The following MYO16 variants were observed in gnomAD, a reference collection of about 807,000 sequenced individuals.
MYO16 encodes unconventional myosin-XVI.
Under a neutral mutation model 205.3 loss-of-function variants are expected in MYO16, and 94 were observed. The ratio of observed to expected loss-of-function variants is 0.46; its 90% CI spans 0.39 to 0.54. The LOEUF (loss-of-function observed/expected upper bound fraction) is 0.54, where lower values mean the gene tolerates loss of function less well. Among genes scored for constraint, MYO16 ranks in the 20% least tolerant of loss-of-function variants. The probability of loss-of-function intolerance (pLI) is 0.00; values close to 1 mark genes in which losing one functional copy is unlikely to be tolerated. For synonymous variants in MYO16, 988 were observed against 954.0 expected (o/e 1.04, Z -0.66); for missense variants, 2,315 against 2,387.5 (o/e 0.97, Z 0.63).
the MYO16 span, among the ~76,000 whole-genome samples, chr13:108,581,320 G>A: frequency 3.3e-5 from 5 of 152,132 alleles, no homozygotes; most frequent in African/African-American, 1.2e-4. Context: ...GGTGGAAATC[G>A]TTTTTGACTG....
chr13:108,928,397 A>C (rs942704373), intron 16 of MYO16, among the ~76,000 whole-genome samples: 61 of 152,218 alleles, frequency 4.0e-4, no homozygotes, highest in African/African-American at 1.4e-3. Flanking sequence ...TGTTATATAG[A>C]ATATTATATG....
intron 33 of MYO16, among the ~76,000 whole-genome samples, chr13:109,167,842 A>G (rs1410859535): frequency 6.6e-6 from 1 of 152,212 alleles, no homozygotes; most frequent in Non-Finnish European, 1.5e-5. Flanking sequence ...CTGCCCCCCA[A>G]AAATTCCTGT....
intron 1 of MYO16, among the ~76,000 whole-genome samples, chr13:108,653,480 CAT>C (rs1424539222): frequency 6.6e-6 from 1 of 152,006 alleles, no homozygotes; most frequent in East Asian, 1.9e-4. Flanking sequence ...TCATAAATGT[CAT>C]AAAGATTTTT....
chr13:109,124,959 G>A (rs979375685), intron 29 of MYO16, among the ~76,000 whole-genome samples, 153 bp from the exon 30 acceptor site: 1 of 152,200 alleles, frequency 6.6e-6, no homozygotes, highest in African/African-American at 2.4e-5. Context: ...TGCCTTTAGT[G>A]TTATCACTGC....
chr13:109,035,071 C>T lies in MYO16; in HGVS notation c.2797-11845C>T, dbSNP rs547437386. Among the ~76,000 whole-genome samples, 12 of 152,242 alleles carry T rather than the reference C, an allele frequency of 7.9e-5. 1 individual carries two copies. The East Asian group carries it at 2.3e-3, about 29-fold the overall frequency. ...CTTCTTAACCCTTGGTCTATTGTTC[C>T]TTCTACTTTACCACGCTCTCATTTT... On this transcript the variant is annotated intron_variant, in intron 23 of 34. Transcript: ENST00000457511.
At chr13:108,886,222 T>C (rs970118139) in intron 13 of MYO16, among the ~76,000 whole-genome samples, 1 of 152,048 alleles carries the variant, frequency 6.6e-6, no homozygotes, top group African/African-American at 2.4e-5. Flanking sequence ...CTCCTGACCT[T>C]GTGATCCGCC....
At chr13:108,626,744 G>A (rs980923172), upstream of MYO16, among the ~76,000 whole-genome samples, 2 of 151,712 alleles carry the variant, frequency 1.3e-5, no homozygotes, top group African/African-American at 2.4e-5. Flanking sequence ...GCAGAGGGTT[G>A]CAGTGAGCCA....
At chr13:109,099,614 TA>T (rs1402773125) in intron 27 of MYO16, among the ~76,000 whole-genome samples, 1 of 152,156 alleles carries the variant, frequency 6.6e-6, no homozygotes, top group Non-Finnish European at 1.5e-5. Context: ...GACCTTGAGA[TA>T]CATTCTATCC....
intron 1 of MYO16, among the ~76,000 whole-genome samples, chr13:108,609,710 T>G (rs1303478300): frequency 6.6e-6 from 1 of 152,174 alleles, no homozygotes; most frequent in African/African-American, 2.4e-5. Context: ...TACAGAGATT[T>G]ATTTATTTAT....
At chr13:108,644,490 G>A (rs1258796829) in intron 1 of MYO16, among the ~76,000 whole-genome samples, 5 of 151,864 alleles carry the variant, frequency 3.3e-5, no homozygotes, top group Non-Finnish European at 5.9e-5. Context: ...TAACACAATG[G>A]GAAAGATTTG....
intron 2 of MYO16, among the ~76,000 whole-genome samples, chr13:108,710,715 T>A (rs1307853793): frequency 6.6e-6 from 1 of 152,186 alleles, no homozygotes; most frequent in Admixed American, 6.5e-5. Context: ...AGAATATGGA[T>A]CACTGATTTC....
chr13:109,097,510 C>T (rs1888815851), intron 27 of MYO16, among the ~76,000 whole-genome samples: 1 of 152,108 alleles, frequency 6.6e-6, no homozygotes. Context: ...TCTGCAGAAA[C>T]CCCAATAAAA....
At chr13:109,161,536 T>C (rs1878384635) in intron 32 of MYO16, among the ~76,000 whole-genome samples, 1 of 152,036 alleles carries the variant, frequency 6.6e-6, no homozygotes, top group Non-Finnish European at 1.5e-5. Flanking sequence ...AAGCACCACA[T>C]CTAGCAGGGA....
At position 109,055,235 on chromosome 13, in the gene MYO16, A is replaced by G. The variant is rs547617165; in HGVS notation, c.3129+109A>G. 1 of 1,001,304 alleles carries G rather than the reference A, an allele frequency of 1.0e-6. No homozygotes were observed. Among genetic ancestry groups the G allele is most frequent in the Non-Finnish European group, 1.4e-6 (1 of 703,434 alleles). The allele number at this position is 1,001,304 out of a possible 1,614,324, so 62.0% of individuals were successfully genotyped here. A position where few individuals can be genotyped will look rare whatever the true frequency, so the allele number is the denominator to read the frequency against. On this transcript the variant is annotated intron_variant, in intron 26 of 34. Coordinates refer to ENST00000457511, the MANE Select transcript of MYO16 (RefSeq NM_001198950.3). This position sits in a 1 kb window ranked among gnomAD's most constrained non-coding sequence, Gnocchi z 5.0. ...TTGACAACTTAAATATCTTCACAAAAAAAGTAAACATACACACACACACAC... is the reference window on the plus strand; with the variant it reads ...TTGACAACTTAAATATCTTCACAAAGAAAGTAAACATACACACACACACAC...
At chr13:108,788,095 C>G (rs1021957818) in intron 5 of MYO16, among the ~76,000 whole-genome samples, 5 of 152,054 alleles carry the variant, frequency 3.3e-5, no homozygotes, top group Non-Finnish European at 5.9e-5. Context: ...TTTTTATAAC[C>G]AGGTGGTTGC....
chr13:108,641,502 T>G (rs1006773060), intron 1 of MYO16, among the ~76,000 whole-genome samples: 2 of 152,054 alleles, frequency 1.3e-5, no homozygotes, highest in African/African-American at 4.8e-5. Flanking sequence ...GCAACAAATA[T>G]AAGATTAAGG....
chr13:108,975,496 C>A, intron 20 of MYO16, among the ~76,000 whole-genome samples: 1 of 152,214 alleles, frequency 6.6e-6, no homozygotes, highest in Admixed American at 6.5e-5. Context: ...CAGGTTAAAT[C>A]TTTGAGTTAA....
At chr13:108,551,640 C>T in the MYO16 span, among the ~76,000 whole-genome samples, 4 of 151,978 alleles carry the variant, frequency 2.6e-5, no homozygotes, top group Non-Finnish European at 5.9e-5. Context: ...TTTTTTTGCT[C>T]CACAAAAATC....
chr13:109,026,522 T>C (rs1886368340), intron 23 of MYO16, among the ~76,000 whole-genome samples: 2 of 152,138 alleles, frequency 1.3e-5, no homozygotes, highest in Admixed American at 1.3e-4. Flanking sequence ...ACTTTTCTCT[T>C]GTTTTGAGCC....
Sources: gnomAD v4.1 joint callset for allele counts (sites outside exome capture counted in the v4.1 genomes callset) on GRCh38, gnomAD v4.1.1 for gene constraint, Gnocchi (gnomAD v3.1) non-coding constraint, MANE v1.5 for transcripts, NCBI Gene and HGNC (gene_info 2026-07-23, HGNC 2026-07-21) for gene names.